TNNI3K: variants seen among roughly 807,000 people sequenced by gnomAD.
TNNI3K encodes the protein TNNI3 interacting kinase, also known as serine/threonine-protein kinase TNNI3K.
In TNNI3K, 140 loss-of-function variants were observed where a neutral mutation model predicts 114.5. The observed-to-expected ratio is 1.22, with a 90% CI of 1.07 to 1.41. The LOEUF (loss-of-function observed/expected upper bound fraction) is 1.41. Among genes scored for constraint, TNNI3K ranks in the 40% most tolerant of loss-of-function variants. TNNI3K has a pLI of 0.00. For missense variants in TNNI3K, 1,125 were observed against 1,007.6 expected (o/e 1.12, Z -1.58); for synonymous variants, 347 against 347.5 (o/e 1.00, Z 0.02).
intron 21 of TNNI3K, among the ~76,000 whole-genome samples, chr1:74,481,538 T>C (rs1403049488): frequency 6.6e-6 from 1 of 152,212 alleles, no homozygotes; most frequent in African/African-American, 2.4e-5. Context: ...TAAGGATATA[T>C]ATTCAATCCA....
At chr1:74,338,934 G>A (rs1156486751) in intron 7 of TNNI3K, among the ~76,000 whole-genome samples, 7 of 152,078 alleles carry the variant, frequency 4.6e-5, no homozygotes, top group African/African-American at 9.7e-5. Flanking sequence ...CATTTTGTTA[G>A]TCTAGAATAG....
intron 3 of TNNI3K, among the ~76,000 whole-genome samples, chr1:74,250,242 A>G (rs1317151243): frequency 1.3e-5 from 2 of 152,150 alleles, no homozygotes; most frequent in African/African-American, 2.4e-5. Context: ...TGTTCTCTCA[A>G]CTTCAAACGT....
At chr1:74,503,195 T>A (rs552794538) in intron 23 of TNNI3K, among the ~76,000 whole-genome samples, 2 of 151,902 alleles carry the variant, frequency 1.3e-5, no homozygotes, top group African/African-American at 4.8e-5. Flanking sequence ...AGTCCAAGAG[T>A]TTTTCAGGGC....
rs1668919383 is a variant in TNNI3K at position 74,489,232 on chromosome 1, GTC to G, written c.2169_2170del (p.Cys724GlnfsTer3). On this transcript the variant is annotated frameshift_variant, in exon 22 of 25. Transcript: ENST00000326637. LOFTEE classifies it high-confidence loss of function. The stretch of plus-strand genomic sequence containing the variant: ...GAAGTTGTCATGAAGTTAGAAGAGT[GTC>G]TCTGCAACATTGAGGTAAAAGCTTT... 6.2e-7 allele frequency: 1 copy of G among 1,611,884 alleles called. No individual in the cohort carries two copies. Among genetic ancestry groups the G allele is most frequent in the African/African-American group, 1.3e-5 (1 of 74,836 alleles).
chr1:74,537,497 A>G (rs1242481993), intron 23 of TNNI3K, among the ~76,000 whole-genome samples: 1 of 152,210 alleles, frequency 6.6e-6, no homozygotes, highest in Non-Finnish European at 1.5e-5. Context: ...AGAATTAATC[A>G]GTGTGAACTG....
intron 17 of TNNI3K, among the ~76,000 whole-genome samples, chr1:74,384,006 A>G (rs1663343217): frequency 6.6e-6 from 1 of 152,066 alleles, no homozygotes; most frequent in South Asian, 2.1e-4. Flanking sequence ...TTAGCCCCAC[A>G]AAACAGGAAC....
chr1:74,418,302 A>G (rs1665228793), intron 17 of TNNI3K: 2 of 350,244 alleles, frequency 5.7e-6, no homozygotes, highest in South Asian at 2.1e-5. Context: ...CACATCAGCC[A>G]TAGAAGCCTG....
At chr1:74,253,172 C>T (rs115658862) in intron 4 of TNNI3K, among the ~76,000 whole-genome samples, 2,798 of 152,250 alleles carry the variant, frequency 0.018, 88 homozygotes, top group African/African-American at 0.064. Flanking sequence ...TGTTTACAAA[C>T]GTTGAGCTAG....
intron 17 of TNNI3K, among the ~76,000 whole-genome samples, chr1:74,386,839 T>A (rs902609638): frequency 2.6e-4 from 40 of 152,188 alleles, no homozygotes; most frequent in Admixed American, 2.4e-3. Flanking sequence ...AATTAAATCA[T>A]CCCTTGATGA....
At chr1:74,462,557 AAAACTAGCTCC>A (rs1406358854) in intron 20 of TNNI3K, among the ~76,000 whole-genome samples, 2 of 152,246 alleles carry the variant, frequency 1.3e-5, no homozygotes, top group Non-Finnish European at 2.9e-5. Context: ...TTATAAATTA[AAAACTAGCTCC>A]ACACATAACA....
chr1:74,301,386 C>A (rs1658323478), intron 5 of TNNI3K, among the ~76,000 whole-genome samples: 1 of 151,854 alleles, frequency 6.6e-6, no homozygotes, highest in Non-Finnish European at 1.5e-5. Flanking sequence ...GGCAACAGAG[C>A]AAGACTCCAT....
At chr1:74,278,030 A>G (rs1570408522) in intron 5 of TNNI3K, among the ~76,000 whole-genome samples, 2 of 152,356 alleles carry the variant, frequency 1.3e-5, no homozygotes, top group Non-Finnish European at 1.5e-5. Flanking sequence ...TTTGTTTACC[A>G]AGAAGCCTCG....
At chr1:74,479,996 C>T (rs549759505) in intron 21 of TNNI3K, among the ~76,000 whole-genome samples, 86 of 152,356 alleles carry the variant, frequency 5.6e-4, no homozygotes, top group African/African-American at 1.7e-3. Flanking sequence ...ATTCTTGCAA[C>T]CTGTGCCAAA....
At chr1:74,418,177 A>G (rs1665222011) in intron 17 of TNNI3K, 2 of 454,840 alleles carry the variant, frequency 4.4e-6, no homozygotes, top group Non-Finnish European at 8.8e-6. Flanking sequence ...GGGCTTCCTG[A>G]ACTATGTATG....
intron 18 of TNNI3K, 31 bp downstream of exon 18, chr1:74,436,163 T>C (rs934517992): frequency 6.2e-7 from 1 of 1,611,408 alleles, no homozygotes; most frequent in Non-Finnish European, 8.5e-7. Context: ...ATCCTTTTTT[T>C]CTTTGTTCCT....
intron 21 of TNNI3K, among the ~76,000 whole-genome samples, chr1:74,485,896 G>C (rs148820085): frequency 6.6e-6 from 1 of 152,084 alleles, no homozygotes; most frequent in Non-Finnish European, 1.5e-5. Context: ...CAACCAATGC[G>C]CTTAAAAGAG....
At chr1:74,450,939 C>T (rs1486772830) in intron 20 of TNNI3K, among the ~76,000 whole-genome samples, 1 of 152,078 alleles carries the variant, frequency 6.6e-6, no homozygotes, top group Non-Finnish European at 1.5e-5. Flanking sequence ...TATAAAGATA[C>T]AGGCATGCTT....
intron 5 of TNNI3K, among the ~76,000 whole-genome samples, chr1:74,283,189 T>C (rs1657117565): frequency 6.6e-6 from 1 of 152,224 alleles, no homozygotes; most frequent in South Asian, 2.1e-4. Flanking sequence ...CACTGCATAT[T>C]CTGTGGCATT....
intron 17 of TNNI3K, 110 bp from the exon 18 acceptor site, chr1:74,435,970 C>A (rs1474671899): frequency 2.3e-5 from 32 of 1,405,880 alleles, no homozygotes; most frequent in Non-Finnish European, 2.9e-5. Context: ...CCCATTTATT[C>A]TCTAGGGCAA....
Sources: allele counts gnomAD v4.1 joint callset (sites outside exome capture counted in the v4.1 genomes callset), GRCh38; gene constraint gnomAD v4.1.1; transcripts MANE v1.5; gene names NCBI Gene and HGNC (gene_info 2026-07-23, HGNC 2026-07-21).